PCDHGA1: variants seen among roughly 807,000 people sequenced by gnomAD.
PCDHGA1 encodes the protein protocadherin gamma-A1.
PCDHGA1 carries 32 observed loss-of-function variants against 58.0 expected under a neutral mutation model. The ratio of observed to expected loss-of-function variants is 0.55; its 90% CI spans 0.42 to 0.74. PCDHGA1 has a LOEUF of 0.74. Among genes scored for constraint, PCDHGA1 ranks in the 30% least tolerant of loss-of-function variants. The pLI is 0.00. For missense variants in PCDHGA1, 1,205 were observed against 1,182.3 expected (o/e 1.02, Z -0.28); for synonymous variants, 498 against 501.1 (o/e 0.99, Z 0.08).
intron 1 of PCDHGA1, chr5:141,427,752 G>A (rs1171502843): frequency 4.5e-6 from 6 of 1,319,552 alleles, no homozygotes; most frequent in South Asian, 1.2e-5. Context: ...CTACTCCATC[G>A]TTACCACTGA....
intron 1 of PCDHGA1, among the ~76,000 whole-genome samples, chr5:141,448,837 C>CT (rs2098610093): frequency 6.6e-6 from 1 of 152,014 alleles, no homozygotes; most frequent in Non-Finnish European, 1.5e-5. Context: ...CCCAGCTACT[C>CT]TGGAGGCTGA....
intron 1 of PCDHGA1, chr5:141,360,825 CA>C (rs765723429): frequency 1.9e-6 from 3 of 1,613,960 alleles, no homozygotes; most frequent in Non-Finnish European, 2.5e-6. Flanking sequence ...AAATCCGAAT[CA>C]AAGTCACGGA....
chr5:141,420,179 T>C (rs1420076172), intron 1 of PCDHGA1: 16 of 1,614,054 alleles, frequency 9.9e-6, no homozygotes, highest in Non-Finnish European at 1.2e-5. Flanking sequence ...TGTTGATCAT[T>C]GTCCAGCCAC....
Position 141,485,011 on chromosome 5 carries a change from C to G in PCDHGA1, c.2422-9796C>G, listed in dbSNP as rs2099605048. 3.2e-6 allele frequency: 2 copies of G among 631,064 alleles called. No homozygotes were observed. The highest frequency in any genetic ancestry group is 5.5e-5 in the East Asian group (2 of 36,662). The allele number at this position is 631,064 out of a possible 1,614,324, so 39.1% of individuals were successfully genotyped here. A position where few individuals can be genotyped will look rare whatever the true frequency, so the allele number is the denominator to read the frequency against. Reference sequence around the variant, plus strand: ...TGGTGAAAGGCAGACAAATCTACCCCGCCACCAGCAAAAACGGCGCGTAAC... The same window carrying G: ...TGGTGAAAGGCAGACAAATCTACCCGGCCACCAGCAAAAACGGCGCGTAAC... On this transcript the variant is annotated intron_variant, in intron 1 of 3. Coordinates refer to ENST00000517417, the MANE Select transcript of PCDHGA1 (RefSeq NM_018912.3). This position sits in a 1 kb window ranked among gnomAD's most constrained non-coding sequence, Gnocchi z 5.7.
intron 1 of PCDHGA1, chr5:141,400,289 G>A: frequency 6.2e-7 from 1 of 1,614,074 alleles, no homozygotes; most frequent in South Asian, 1.1e-5. Context: ...GCCGCCTGGA[G>A]CTGCTTCCAA....
In PCDHGA1 at chr5:141,462,551, G is replaced by C. The variant is rs57555347; in HGVS notation, c.2422-32256G>C. 8.3e-3 allele frequency among the ~76,000 whole-genome samples: 1,259 copies of C among 151,854 alleles called. 17 individuals carry two copies. The highest frequency in any genetic ancestry group is 0.029 in the African/African-American group (1,196 of 41,422). ...TTGTTCAGTGATCTTTTCTTCTTCA[G>C]TGTTTACTGTATTTGCTAATCCCAT... On this transcript the variant is annotated intron_variant, in intron 1 of 3. Transcript: ENST00000517417.
In PCDHGA1 at chr5:141,489,664, A is replaced by C. The variant is rs745597010; in HGVS notation, c.2422-5143A>C. 1.9e-6 allele frequency: 3 copies of C among 1,614,224 alleles called. No individual in the cohort carries two copies. Among genetic ancestry groups the C allele is most frequent in the African/African-American group, 1.3e-5 (1 of 75,058 alleles). On this transcript the variant is annotated intron_variant, in intron 1 of 3. Transcript: ENST00000517417. This position sits in a 1 kb window ranked among gnomAD's most constrained non-coding sequence, Gnocchi z 4.5. ...TGCCACCCCTGAGCGAGAGATGCGC[A>C]TCTCAGAATCAGCAGCATCTGGGGC... is the stretch of plus-strand genomic sequence containing the variant.
chr5:141,374,643 A>G (rs1283839211), intron 1 of PCDHGA1: 1 of 1,612,916 alleles, frequency 6.2e-7, no homozygotes, highest in Admixed American at 1.7e-5. Flanking sequence ...AGCGAAGCCC[A>G]TGGGCCCAAG....
intron 1 of PCDHGA1, chr5:141,365,865 G>A (rs1444429243): frequency 1.9e-6 from 3 of 1,614,056 alleles, no homozygotes; most frequent in Non-Finnish European, 2.5e-6. Context: ...TCTGACACCG[G>A]TGTCCTGTAT....
chr5:141,494,729 C>T (rs2099756368), intron 1 of PCDHGA1, 78 bp from the exon 2 acceptor site: 31 of 1,610,050 alleles, frequency 1.9e-5, no homozygotes, highest in Admixed American at 3.3e-5. Flanking sequence ...CCTTCTCTCC[C>T]GGCCCATCCC....
chr5:141,355,689 T>C (rs755221560), intron 1 of PCDHGA1: 20 of 1,613,838 alleles, frequency 1.2e-5, no homozygotes, highest in Admixed American at 1.7e-5. Context: ...CGGATGTAGG[T>C]GTAAACTCCC....
rs540507159 is a variant in PCDHGA1 at position 141,422,671 on chromosome 5, A to G, written c.2422-72136A>G. On this transcript the variant is annotated intron_variant, in intron 1 of 3. Coordinates refer to ENST00000517417, the MANE Select transcript of PCDHGA1 (RefSeq NM_018912.3). The stretch of plus-strand genomic sequence containing the variant: ...CTCAGTGACCGCCCTCGACCCGGAC[A>G]GCAAACAGAATGCCCTGGTCACTTA... 4 of 1,607,248 alleles carry G rather than the reference A, an allele frequency of 2.5e-6. No homozygotes were observed. The Admixed American group carries it at 5.0e-5, about 20-fold the overall frequency.
intron 1 of PCDHGA1, among the ~76,000 whole-genome samples, chr5:141,454,796 ATTTTTTTTT>A (rs61612330): frequency 1.2e-4 from 9 of 77,408 alleles, no homozygotes; most frequent in Admixed American, 5.4e-4. Context: ...CATGGTTCTA[ATTTTTTTTT>A]TTTTTTTTTT....
At position 141,432,370 on chromosome 5, in the gene PCDHGA1, C is replaced by A. The variant is rs1362496624; in HGVS notation, c.2422-62437C>A. On this transcript the variant is annotated intron_variant, in intron 1 of 3. Transcript: ENST00000517417. The surrounding 1 kb of genome is among the most constrained non-coding windows in gnomAD (Gnocchi z 6.0). Reference sequence around the variant, plus strand: ...AAGTGAAAGTGATGGCGCGGGACAACGGGCACCCGCCCCTCAGCAGCAACG... The same window carrying A: ...AAGTGAAAGTGATGGCGCGGGACAAAGGGCACCCGCCCCTCAGCAGCAACG... The A allele has an allele frequency of 6.2e-7, 1 of 1,614,240 alleles. No homozygotes were observed. The highest frequency in any genetic ancestry group is 8.5e-7 in the Non-Finnish European group (1 of 1,180,048).
intron 1 of PCDHGA1, among the ~76,000 whole-genome samples, chr5:141,482,985 C>T (rs971017271): frequency 1.3e-5 from 2 of 151,372 alleles, no homozygotes; most frequent in East Asian, 1.9e-4. Context: ...CTTGAGAGGT[C>T]GAGGCAGGAG....
intron 1 of PCDHGA1, among the ~76,000 whole-genome samples, chr5:141,397,814 C>G (rs1325713795): frequency 6.6e-6 from 1 of 152,200 alleles, no homozygotes; most frequent in Non-Finnish European, 1.5e-5. Flanking sequence ...CACACAAAAA[C>G]AATTACTGCA....
intron 1 of PCDHGA1, chr5:141,433,292 C>A: frequency 9.2e-7 from 1 of 1,082,526 alleles, no homozygotes; most frequent in South Asian, 1.6e-5. Context: ...CTCCTAGGCT[C>A]AAGCAATTAT....
chr5:141,355,640 A>C (rs373212603), intron 1 of PCDHGA1: 24 of 1,613,870 alleles, frequency 1.5e-5, no homozygotes, highest in Non-Finnish European at 2.0e-5. Flanking sequence ...GAAAATGAAA[A>C]TCCTGGGGCA....
chr5:141,370,887 A>G, intron 1 of PCDHGA1: 1 of 1,614,024 alleles, frequency 6.2e-7, no homozygotes, highest in South Asian at 1.1e-5. Context: ...TGTAGGTGTC[A>G]ATTCGCTGCA....
Sources: gnomAD v4.1 joint callset for allele counts (sites outside exome capture counted in the v4.1 genomes callset) on GRCh38, gnomAD v4.1.1 for gene constraint, Gnocchi (gnomAD v3.1) non-coding constraint, MANE v1.5 for transcripts, NCBI Gene and HGNC (gene_info 2026-07-23, HGNC 2026-07-21) for gene names.